Variants in LRRTM4 observed in about 807,000 individuals in gnomAD.
LRRTM4 encodes leucine-rich repeat transmembrane neuronal protein 4.
LRRTM4 carries 25 observed loss-of-function variants against 47.6 expected under a neutral mutation model. That is an observed-to-expected ratio of 0.53 (90% CI 0.38 to 0.73). The LOEUF (loss-of-function observed/expected upper bound fraction) is 0.73, where lower values mean the gene tolerates loss of function less well. Ranked by LOEUF, LRRTM4 falls within the 30% of genes least tolerant of loss-of-function variation. The probability of loss-of-function intolerance (pLI) is 0.00; values close to 1 mark genes in which losing one functional copy is unlikely to be tolerated. For synonymous variants in LRRTM4, 311 were observed against 269.5 expected, an observed-to-expected ratio of 1.15 and a Z score of -1.51; for missense variants, 638 against 713.4, an observed-to-expected ratio of 0.89 and a Z score of 1.20.
At position 76,889,699 on chromosome 2, in the gene LRRTM4, G is replaced by A. The variant is rs535556876; in HGVS notation, c.1552-140783C>T. ...TGACTGTACTTTAACCTGAGCAGTG[G>A]CCCTGCCAAATTTTTAGTAGATGCT... On this transcript the variant is annotated intron_variant, in intron 3 of 3. Transcript: ENST00000409884. 3.3e-5 allele frequency among the ~76,000 whole-genome samples: 5 copies of A among 152,070 alleles called. No homozygotes were observed. In the South Asian group the frequency reaches 1.0e-3, roughly 32 times the overall value.
At chr2:76,998,118 G>A (rs943288223) in intron 3 of LRRTM4, among the ~76,000 whole-genome samples, 8 of 151,840 alleles carry the variant, frequency 5.3e-5, no homozygotes, top group Non-Finnish European at 8.8e-5. Flanking sequence ...TAATATGCTC[G>A]AATCATCCTA....
intron 3 of LRRTM4, among the ~76,000 whole-genome samples, chr2:77,377,171 T>G (rs1171884141): frequency 6.6e-6 from 1 of 151,976 alleles, no homozygotes; most frequent in African/African-American, 2.4e-5. Flanking sequence ...TTTTATTTTC[T>G]GGCATTAAAA....
At chr2:77,258,525 T>C (rs1675830464) in intron 3 of LRRTM4, among the ~76,000 whole-genome samples, 1 of 152,058 alleles carries the variant, frequency 6.6e-6, no homozygotes, top group African/African-American at 2.4e-5. Context: ...GAATATATAA[T>C]ACCTGAGAAC....
chr2:77,187,825 GA>G (rs2103871579), intron 3 of LRRTM4, among the ~76,000 whole-genome samples: 1 of 151,788 alleles, frequency 6.6e-6, no homozygotes, highest in East Asian at 1.9e-4. Context: ...AGCTTTTAGA[GA>G]AAAATCAAGG....
At chr2:76,897,146 T>G (rs760862264) in intron 3 of LRRTM4, among the ~76,000 whole-genome samples, 7 of 152,232 alleles carry the variant, frequency 4.6e-5, no homozygotes, top group African/African-American at 9.6e-5. Context: ...CTCTGAGAAC[T>G]TGTGATGACA....
At chr2:77,266,925 A>C (rs191624246) in intron 3 of LRRTM4, among the ~76,000 whole-genome samples, 1 of 152,252 alleles carries the variant, frequency 6.6e-6, no homozygotes, top group African/African-American at 2.4e-5. Flanking sequence ...TAATTGTACA[A>C]GTTCTGAGGA....
intron 3 of LRRTM4, among the ~76,000 whole-genome samples, chr2:77,089,900 C>T (rs1029232881): frequency 2.0e-5 from 3 of 152,122 alleles, no homozygotes; most frequent in Non-Finnish European, 4.4e-5. Flanking sequence ...TTCTTTTACA[C>T]ATCAGTCCCT....
chr2:76,852,613 C>A (rs937246481), intron 3 of LRRTM4, among the ~76,000 whole-genome samples: 1 of 151,956 alleles, frequency 6.6e-6, no homozygotes, highest in African/African-American at 2.4e-5. Context: ...ATTTTTCTTG[C>A]CATGTAGTAC....
At chr2:76,916,451 A>G (rs1674254868) in intron 3 of LRRTM4, among the ~76,000 whole-genome samples, 1 of 151,644 alleles carries the variant, frequency 6.6e-6, no homozygotes, top group Non-Finnish European at 1.5e-5. Flanking sequence ...TTGTAAAATT[A>G]CCAGCATCTG....
Position 76,908,783 on chromosome 2 carries a change from C to T in LRRTM4, c.1552-159867G>A, listed in dbSNP as rs561637315. Among the ~76,000 whole-genome samples, 12 of 152,094 alleles carry T rather than the reference C, an allele frequency of 7.9e-5. No homozygotes were observed. In the East Asian group the frequency reaches 1.7e-3, roughly 22 times the overall value. ...ATAAAATACCTAGGAATCCACCTTA[C>T]AAGGGATGTGAAGGACCTCTTCCAG... On this transcript the variant is annotated intron_variant, in intron 3 of 3. Transcript: ENST00000409884.
intron 3 of LRRTM4, among the ~76,000 whole-genome samples, chr2:77,186,759 A>C (rs986682223): frequency 2.0e-5 from 3 of 152,044 alleles, no homozygotes; most frequent in African/African-American, 7.2e-5. Flanking sequence ...TTATGGAGAG[A>C]TTTATACTGA....
At chr2:77,427,668 A>G (rs1441475572) in intron 3 of LRRTM4, among the ~76,000 whole-genome samples, 3 of 152,200 alleles carry the variant, frequency 2.0e-5, no homozygotes, top group Non-Finnish European at 4.4e-5. Context: ...AAAATATATG[A>G]TTTGGCCATC....
chr2:76,939,569 T>A (rs1675067447), intron 3 of LRRTM4, among the ~76,000 whole-genome samples: 1 of 151,964 alleles, frequency 6.6e-6, no homozygotes, highest in Non-Finnish European at 1.5e-5. Flanking sequence ...TTAGTTGCTA[T>A]CTAGTGGCCC....
At chr2:77,219,616 G>A (rs149235163) in intron 3 of LRRTM4, among the ~76,000 whole-genome samples, 210 of 152,290 alleles carry the variant, frequency 1.4e-3, no homozygotes, top group African/African-American at 4.7e-3. Context: ...TTACCACAGT[G>A]TAAAGACTTC....
chr2:77,062,345 T>C (rs566560019), intron 3 of LRRTM4, among the ~76,000 whole-genome samples: 13 of 152,324 alleles, frequency 8.5e-5, no homozygotes, highest in African/African-American at 3.1e-4. Context: ...AAGAATGTTA[T>C]CCTTTAAAAA....
intron 3 of LRRTM4, among the ~76,000 whole-genome samples, chr2:77,294,994 T>C (rs572591274): frequency 2.0e-5 from 3 of 152,164 alleles, no homozygotes; most frequent in African/African-American, 4.8e-5. Context: ...TTTATGTAAC[T>C]ATCATGAAAA....
At chr2:77,197,290 T>C (rs1315763993) in intron 3 of LRRTM4, among the ~76,000 whole-genome samples, 2 of 152,118 alleles carry the variant, frequency 1.3e-5, no homozygotes, top group African/African-American at 4.8e-5. Context: ...ATTGAGGACA[T>C]GCAGGAAATA....
chr2:76,953,118 C>A lies in LRRTM4; in HGVS notation c.1552-204202G>T, dbSNP rs574700198. On this transcript the variant is annotated intron_variant, in intron 3 of 3. Coordinates refer to ENST00000409884, the MANE Select transcript of LRRTM4 (RefSeq NM_001134745.3). Reference sequence around the variant, plus strand: ...GGATACAATATACTAGTGTAACAAACCTTCATATGTACCCACTGTATCTAA... The same window carrying A: ...GGATACAATATACTAGTGTAACAAAACTTCATATGTACCCACTGTATCTAA... Among the ~76,000 whole-genome samples the A allele has an allele frequency of 3.4e-3, 510 of 151,172 alleles. 2 individuals are homozygous for A. The highest frequency in any genetic ancestry group is 7.5e-3 in the South Asian group (36 of 4,784).
chr2:76,794,908 A>C (rs1675186097), intron 3 of LRRTM4, among the ~76,000 whole-genome samples: 1 of 152,338 alleles, frequency 6.6e-6, no homozygotes, highest in East Asian at 1.9e-4. Context: ...AGAAAAATTA[A>C]GATTTAAATG....
Sources: gnomAD v4.1 joint callset for allele counts (sites outside exome capture counted in the v4.1 genomes callset) on GRCh38, gnomAD v4.1.1 for gene constraint, MANE v1.5 for transcripts, NCBI Gene and HGNC (gene_info 2026-07-23, HGNC 2026-07-21) for gene names.